Variants in GSK3B observed in about 807,000 individuals in gnomAD.
The protein encoded by GSK3B is glycogen synthase kinase 3 beta.
GSK3B carries 15 observed loss-of-function variants against 56.4 expected under a neutral mutation model. The observed-to-expected ratio is 0.27, with a 90% confidence interval of 0.18 to 0.41. The LOEUF is 0.41. GSK3B is among the 10% of genes least tolerant of loss of function. The probability of loss-of-function intolerance (pLI) is 1.00; values close to 1 mark genes in which losing one functional copy is unlikely to be tolerated. For missense variants in GSK3B, 300 were observed against 513.4 expected, an observed-to-expected ratio of 0.58 and a Z score of 4.02; for synonymous variants, 181 against 188.9, an observed-to-expected ratio of 0.96 and a Z score of 0.34.
intron 7 of GSK3B, among the ~76,000 whole-genome samples, chr3:119,892,591 C>G (rs1477636583): frequency 6.6e-6 from 1 of 152,126 alleles, no homozygotes. Flanking sequence ...GTCTCTGAAG[C>G]CCCTGAAGGC....
At chr3:119,987,234 A>T (rs9847101) in intron 2 of GSK3B, among the ~76,000 whole-genome samples, 2 of 152,046 alleles carry the variant, frequency 1.3e-5, no homozygotes, top group Non-Finnish European at 2.9e-5. Context: ...GTAAATGATG[A>T]GTTGATGGGT....
chr3:119,961,353 C>T (rs773960006), intron 2 of GSK3B, among the ~76,000 whole-genome samples: 3 of 152,096 alleles, frequency 2.0e-5, no homozygotes, highest in Non-Finnish European at 2.9e-5. Flanking sequence ...ACAGGCTGGG[C>T]GCAGTGGCTC....
intron 2 of GSK3B, among the ~76,000 whole-genome samples, chr3:120,001,803 G>A (rs1172343236): frequency 1.3e-5 from 2 of 152,000 alleles, no homozygotes; most frequent in Non-Finnish European, 2.9e-5. Flanking sequence ...CCTTTCACAG[G>A]ATTAAAAAAT....
intron 10 of GSK3B, among the ~76,000 whole-genome samples, chr3:119,839,457 G>C (rs1215145948): frequency 6.6e-6 from 1 of 151,992 alleles, no homozygotes; most frequent in Non-Finnish European, 1.5e-5. Flanking sequence ...GTTTAAGCCA[G>C]CTATAAACAT....
chr3:119,932,312 G>A (rs1348868688), intron 3 of GSK3B, among the ~76,000 whole-genome samples: 4 of 152,142 alleles, frequency 2.6e-5, no homozygotes, highest in Admixed American at 6.5e-5. Context: ...TGATGGGTAC[G>A]CCAGGCTGGC....
intron 7 of GSK3B, among the ~76,000 whole-genome samples, chr3:119,899,925 T>C (rs1302562905): frequency 2.6e-5 from 4 of 152,074 alleles, no homozygotes; most frequent in Admixed American, 6.6e-5. Context: ...TTGGCTCCCA[T>C]AGCACAATCA....
At chr3:119,883,909 C>A (rs542323763) in intron 7 of GSK3B, among the ~76,000 whole-genome samples, 1 of 151,914 alleles carries the variant, frequency 6.6e-6, no homozygotes, top group South Asian at 2.1e-4. Context: ...ATATTTGAGA[C>A]CAGACATTCA....
intron 1 of GSK3B, among the ~76,000 whole-genome samples, chr3:120,086,880 C>T (rs1238307705): frequency 6.6e-6 from 1 of 152,130 alleles, no homozygotes; most frequent in Non-Finnish European, 1.5e-5. Context: ...TATGAACCTA[C>T]ATACCCTACA....
chr3:120,036,273 C>T (rs1016352869), intron 1 of GSK3B, among the ~76,000 whole-genome samples: 4 of 152,038 alleles, frequency 2.6e-5, no homozygotes, highest in Non-Finnish European at 5.9e-5. Context: ...GTATAACTTA[C>T]CAAAGAAAGT....
At chr3:120,076,466 T>G (rs1235127151) in intron 1 of GSK3B, among the ~76,000 whole-genome samples, 1 of 152,184 alleles carries the variant, frequency 6.6e-6, no homozygotes, top group Non-Finnish European at 1.5e-5. Context: ...GGGGTTAATA[T>G]TCAAGATTTA....
intron 1 of GSK3B, among the ~76,000 whole-genome samples, chr3:120,046,824 C>T (rs1245654467): frequency 6.6e-6 from 1 of 152,004 alleles, no homozygotes. Context: ...TTGGCCAGGC[C>T]GTTCTCGAAC....
At chr3:119,922,228 G>GGAAGGAA (rs2056849305) in intron 4 of GSK3B, among the ~76,000 whole-genome samples, 2 of 61,490 alleles carry the variant, frequency 3.3e-5, no homozygotes, top group Non-Finnish European at 5.5e-5. Context: ...GAAGGAAGGA[G>GGAAGGAA]GGAAGGAAGG....
intron 7 of GSK3B, among the ~76,000 whole-genome samples, chr3:119,904,492 G>A (rs777691513): frequency 4.9e-4 from 74 of 152,204 alleles, no homozygotes; most frequent in Middle Eastern, 3.4e-3. Context: ...AAAGAAGATC[G>A]CTTATTACAC....
intron 1 of GSK3B, among the ~76,000 whole-genome samples, chr3:120,026,846 C>T: frequency 6.6e-6 from 1 of 151,964 alleles, no homozygotes; most frequent in Admixed American, 6.6e-5. Context: ...GCGTGAGCCA[C>T]CGAGCCCGAC....
intron 3 of GSK3B, among the ~76,000 whole-genome samples, chr3:119,940,180 A>G (rs1433941779): frequency 6.6e-6 from 1 of 151,694 alleles, no homozygotes; most frequent in African/African-American, 2.4e-5. Flanking sequence ...AAATATATAT[A>G]AAACACAAGT....
chr3:119,895,715 A>T (rs559748548), intron 7 of GSK3B, among the ~76,000 whole-genome samples: 2 of 152,286 alleles, frequency 1.3e-5, no homozygotes, highest in South Asian at 4.1e-4. Context: ...ATCAATTGAC[A>T]ATAAATATAA....
chr3:119,987,629 C>A (rs1035667685), intron 2 of GSK3B, among the ~76,000 whole-genome samples: 2 of 151,894 alleles, frequency 1.3e-5, no homozygotes, highest in African/African-American at 2.4e-5. Context: ...AAAGCACTAA[C>A]CTGTTCTTTA....
In GSK3B at chr3:119,949,032, C is replaced by T. The variant is rs561341887; in HGVS notation, c.283-1681G>A. Among the ~76,000 whole-genome samples the T allele has an allele frequency of 2.0e-5, 3 of 152,286 alleles. No individual in the cohort carries two copies. The South Asian group carries it at 6.2e-4, about 32-fold the overall frequency. ...ACTTTGTTAATTCACATTTAGGTAG[C>T]TGGCTTTGAGGGAGAACTGCTAGTA... On this transcript the variant is annotated intron_variant, in intron 2 of 10. Transcript: ENST00000264235.
At chr3:120,070,251 A>C (rs1034200089) in intron 1 of GSK3B, among the ~76,000 whole-genome samples, 9 of 149,714 alleles carry the variant, frequency 6.0e-5, no homozygotes, top group Admixed American at 3.9e-4. Context: ...AAAAAAAAAA[A>C]ACATCCTGTA....
Sources: gnomAD v4.1 joint callset for allele counts (sites outside exome capture counted in the v4.1 genomes callset) on GRCh38, gnomAD v4.1.1 for gene constraint, MANE v1.5 for transcripts, NCBI Gene and HGNC (gene_info 2026-07-23, HGNC 2026-07-21) for gene names.